Variants in CSMD1 observed in about 807,000 individuals in gnomAD.
CSMD1 encodes CUB and Sushi multiple domains 1.
In CSMD1, 213 loss-of-function variants were observed where a neutral mutation model predicts 417.5. The ratio of observed to expected loss-of-function variants is 0.51; its 90% CI spans 0.46 to 0.57. The LOEUF (loss-of-function observed/expected upper bound fraction) is 0.57, where lower values mean the gene tolerates loss of function less well. CSMD1 is among the 20% of genes least tolerant of loss of function. The probability of loss-of-function intolerance (pLI) is 0.00; values close to 1 mark genes in which losing one functional copy is unlikely to be tolerated. For missense variants in CSMD1, 6,923 were observed against 4,529.7 expected (o/e 1.53, Z -15.17); for synonymous variants, 2,862 against 1,736.8 (o/e 1.65, Z -16.11).
chr8:4,717,454 CTATATA>C (rs147060959), intron 1 of CSMD1, among the ~76,000 whole-genome samples: 1 of 147,216 alleles, frequency 6.8e-6, no homozygotes, highest in Admixed American at 6.8e-5. Flanking sequence ...TATACACACA[CTATATA>C]TATATATATA....
At chr8:3,474,567 G>C (rs1377098832) in intron 11 of CSMD1, among the ~76,000 whole-genome samples, 1 of 152,122 alleles carries the variant, frequency 6.6e-6, no homozygotes, top group African/African-American at 2.4e-5. Flanking sequence ...AATATTAGGA[G>C]TGTTTTGGTC....
At position 3,271,094 on chromosome 8, in the gene CSMD1, A is replaced by G. The variant is rs1394151590; in HGVS notation, c.4153+13050T>C. 3.5e-4 allele frequency among the ~76,000 whole-genome samples: 32 copies of G among 90,754 alleles called. 1 individual carries two copies. The highest frequency in any genetic ancestry group is 9.8e-4 in the African/African-American group (22 of 22,396). The allele number at this position is 90,754 out of a possible 152,430, so 59.5% of individuals were successfully genotyped here. Reference sequence around the variant, plus strand: ...CCTTCCCCCCTCCCCCCACCCCACAACAGTCCCCAGAGTGTGATGTTCCCC... The same window carrying G: ...CCTTCCCCCCTCCCCCCACCCCACAGCAGTCCCCAGAGTGTGATGTTCCCC... On this transcript the variant is annotated intron_variant, in intron 26 of 69. Transcript: ENST00000635120.
chr8:3,084,452 G>A (rs1814368842), intron 49 of CSMD1, among the ~76,000 whole-genome samples: 1 of 148,678 alleles, frequency 6.7e-6, no homozygotes, highest in African/African-American at 2.5e-5. Flanking sequence ...GAACCTGGGA[G>A]GCAGAAGTTG....
At chr8:4,734,639 T>A (rs1476360375) in intron 1 of CSMD1, among the ~76,000 whole-genome samples, 2 of 152,264 alleles carry the variant, frequency 1.3e-5, no homozygotes, top group East Asian at 1.9e-4. Flanking sequence ...GTACTGGAAA[T>A]ACTTTTTTTA....
chr8:4,949,389 C>G (rs1295514446), intron 1 of CSMD1, among the ~76,000 whole-genome samples: 1 of 152,144 alleles, frequency 6.6e-6, no homozygotes, highest in African/African-American at 2.4e-5. Context: ...GTCATCTATA[C>G]CTTCAACATG....
intron 3 of CSMD1, among the ~76,000 whole-genome samples, chr8:4,078,935 ATATATATG>A (rs1201058326): frequency 0.065 from 1,378 of 21,226 alleles, 15 homozygotes; most frequent in Non-Finnish European, 0.098. Flanking sequence ...ATATATATAT[ATATATATG>A]TATGTTGAAA....
At chr8:3,802,919 G>T (rs757551943) in intron 5 of CSMD1, among the ~76,000 whole-genome samples, 1 of 152,068 alleles carries the variant, frequency 6.6e-6, no homozygotes, top group Non-Finnish European at 1.5e-5. Context: ...CAGGAATTTT[G>T]AAAGAACCTA....
Position 3,265,250 on chromosome 8 carries a change from G to C in CSMD1, c.4153+18894C>G, listed in dbSNP as rs1477204867. ...AAGAAATAATGAAAAAACAAGGGAA[G>C]ACAAAATGCTACTAAGTGTCAAATG... On this transcript the variant is annotated intron_variant, in intron 26 of 69. Transcript: ENST00000635120. Among the ~76,000 whole-genome samples the C allele has an allele frequency of 3.9e-5, 6 of 152,252 alleles. No homozygotes were observed. The Middle Eastern group carries it at 0.01, about 259-fold the overall frequency.
At chr8:4,668,652 G>C (rs140797721) in intron 1 of CSMD1, among the ~76,000 whole-genome samples, 4,460 of 151,628 alleles carry the variant, frequency 0.029, 223 homozygotes, top group African/African-American at 0.1. Flanking sequence ...GGGTTTCATC[G>C]TGTTAGCCAG....
chr8:3,765,884 T>C (rs73188944), intron 5 of CSMD1, among the ~76,000 whole-genome samples: 4,216 of 152,270 alleles, frequency 0.028, 82 homozygotes, highest in Non-Finnish European at 0.04. Context: ...TTGTGAGAGA[T>C]AGGGTATGAG....
intron 30 of CSMD1, among the ~76,000 whole-genome samples, chr8:3,206,922 C>T (rs1254569621): frequency 1.3e-5 from 2 of 152,126 alleles, no homozygotes; most frequent in East Asian, 3.9e-4. Flanking sequence ...TGAGAAGGGG[C>T]CAAGTCAGCT....
At chr8:3,844,906 TGTGCA>T (rs879868337) in intron 5 of CSMD1, among the ~76,000 whole-genome samples, 8,702 of 152,244 alleles carry the variant, frequency 0.057, 5 homozygotes, top group African/African-American at 0.18. Flanking sequence ...AATATTTGTC[TGTGCA>T]TTTAAAAACT....
intron 25 of CSMD1, among the ~76,000 whole-genome samples, chr8:3,298,986 C>T (rs559383029): frequency 1.5e-4 from 23 of 152,174 alleles, no homozygotes; most frequent in African/African-American, 5.5e-4. Context: ...AACAAACATG[C>T]ACCCTGGTAC....
chr8:3,262,243 T>TCACACA (rs1801136564), intron 26 of CSMD1, among the ~76,000 whole-genome samples: 2 of 95,824 alleles, frequency 2.1e-5, no homozygotes, highest in African/African-American at 8.5e-5. Flanking sequence ...ACACACATAG[T>TCACACA]TAATTTCAAA....
chr8:4,788,504 T>C (rs1797527589), intron 1 of CSMD1: 5 of 1,361,722 alleles, frequency 3.7e-6, no homozygotes, highest in Non-Finnish European at 5.2e-6. Context: ...CCATTTAGTA[T>C]GGAGCAAACT....
At chr8:2,965,453 T>A (rs918462010) in intron 59 of CSMD1, among the ~76,000 whole-genome samples, 2 of 151,940 alleles carry the variant, frequency 1.3e-5, no homozygotes, top group African/African-American at 4.8e-5. Context: ...ACAGCTAGGG[T>A]CACAGGTTTA....
rs1021153028 is a variant in CSMD1, at chr8:4,374,998, G to T, written c.415+44955C>A. Among the ~76,000 whole-genome samples the T allele has an allele frequency of 5.4e-5, 8 of 147,678 alleles. No individual in the cohort carries two copies. The East Asian group carries it at 8.2e-4, about 15-fold the overall frequency. The stretch of plus-strand genomic sequence containing the variant: ...GCGATAGTGGGGGTACGGGCAAGGA[G>T]CAATAGTGGGGACAGGGCAGGGAGC... On this transcript the variant is annotated intron_variant, in intron 3 of 69. Transcript: ENST00000635120.
intron 12 of CSMD1, among the ~76,000 whole-genome samples, chr8:3,447,128 C>G (rs1815354703): frequency 1.3e-5 from 2 of 152,056 alleles, no homozygotes; most frequent in Non-Finnish European, 2.9e-5. Flanking sequence ...ACATCAAAAG[C>G]ACAACAGACA....
chr8:3,520,504 T>C (rs929209492), intron 10 of CSMD1, among the ~76,000 whole-genome samples: 1 of 152,186 alleles, frequency 6.6e-6, no homozygotes, highest in Admixed American at 6.5e-5. Flanking sequence ...ATGTTTATTA[T>C]CTTGTCAATT....
Sources: allele counts gnomAD v4.1 joint callset (sites outside exome capture counted in the v4.1 genomes callset), GRCh38; gene constraint gnomAD v4.1.1; transcripts MANE v1.5; gene names NCBI Gene and HGNC (gene_info 2026-07-23, HGNC 2026-07-21).